MZB1: variants seen among roughly 807,000 people sequenced by gnomAD.
MZB1 encodes marginal zone B and B1 cell specific protein, also known as marginal zone B- and B1-cell-specific protein.
Under a neutral mutation model 17.2 loss-of-function variants are expected in MZB1, and 10 were observed. That is an observed-to-expected ratio of 0.58 (90% CI 0.36 to 0.98). The LOEUF is 0.98. MZB1 is among the 50% of genes least tolerant of loss of function. MZB1 has a pLI of 0.01. For missense variants in MZB1, 246 were observed against 237.5 expected (o/e 1.04, Z -0.23); for synonymous variants, 99 against 98.7 (o/e 1.00, Z -0.02).
chr5:139,389,407 A>ACTC, intron 1 of MZB1: 1 of 654,532 alleles, frequency 1.5e-6, no homozygotes, highest in South Asian at 1.5e-5. Context: ...GGGAGTCCGG[A>ACTC]CTCAAGGATG....
chr5:139,389,022 C>G, intron 1 of MZB1: 1 of 213,012 alleles, frequency 4.7e-6, no homozygotes, highest in Non-Finnish European at 9.7e-6. Context: ...AGGTATGTGC[C>G]ACCACACCCG....
At position 139,387,896 on chromosome 5, in the gene MZB1, A is replaced by G. The variant is rs368473674; in HGVS notation, c.439T>C (p.Leu147=). 36 of 1,594,198 alleles carry G rather than the reference A, an allele frequency of 2.3e-5. No individual in the cohort carries two copies. The highest frequency in any genetic ancestry group is 6.8e-5 in the African/African-American group (5 of 74,006). ...ATCTGGTCTTCTCCAAACTCCCCCA[A>G]GTAGTGCAAACATGTCCTGGAGAGC... ...TRLSRTCLHY[L]GEFGEDQIYE... is the part of the protein sequence containing the mutation. Residue 147 remains leucine, a synonymous_variant, in exon 4 of 4, where the codon TTG becomes CTG. Coordinates refer to ENST00000302125, the MANE Select transcript of MZB1 (RefSeq NM_016459.4).
At position 139,389,754 on chromosome 5, in the gene MZB1, C is replaced by G. The variant is rs769346308; in HGVS notation, c.103G>C (p.Asp35His). 6.4e-7 allele frequency: 1 copy of G among 1,563,340 alleles called. No homozygotes were observed. Among genetic ancestry groups the G allele is most frequent in the South Asian group, 1.2e-5 (1 of 84,744 alleles). The stretch of plus-strand genomic sequence containing the variant: ...TGGGCTGAGTACATCTCCTCATCAT[C>G]CAGTTGTGGGGCTGTGGCTGTGAGT... ...APLTATAPQL[D>H]DEEMYSAHMP... The change falls in exon 1 of 4, where the codon GAT becomes CAT. Residue 35 changes from aspartate to histidine, a missense_variant. Asp to His is a moderately conservative substitution (Grantham distance 81). Transcript: ENST00000302125.
At chr5:139,388,210 G>A (rs555833885) in intron 2 of MZB1, 79 bp from the exon 3 acceptor site, 69 of 1,340,630 alleles carry the variant, frequency 5.1e-5, no homozygotes, top group Non-Finnish European at 6.7e-5. Flanking sequence ...CAGCAAGCTG[G>A]ACATGCTGGG....
chr5:139,389,444 C>A, intron 1 of MZB1: 1 of 699,948 alleles, frequency 1.4e-6, no homozygotes, highest in South Asian at 1.5e-5. Context: ...AGTCTAAGGA[C>A]AAGTGAGTGA....
At chr5:139,388,365 A>G in intron 2 of MZB1, 96 bp downstream of exon 2, 1 of 1,343,926 alleles carries the variant, frequency 7.4e-7, no homozygotes, top group Non-Finnish European at 1.0e-6. Context: ...AGAGTCCTAG[A>G]GGAGTGTGTG....
chr5:139,389,292 GGTGT>G (rs1758568859), intron 1 of MZB1: 1 of 428,870 alleles, frequency 2.3e-6, no homozygotes. Flanking sequence ...ATGCTCAGCA[GGTGT>G]GTGTGTGAAG....
chr5:139,387,575 A>ACT lies in MZB1; in HGVS notation c.*188_*189dup. 2.0e-6 allele frequency: 1 copy of ACT among 494,000 alleles called. No individual in the cohort carries two copies. Among genetic ancestry groups the ACT allele is most frequent in the Non-Finnish European group, 3.2e-6 (1 of 307,740 alleles). The allele number at this position is 494,000 out of a possible 1,614,324, so 30.6% of individuals were successfully genotyped here. A position where few individuals can be genotyped will look rare whatever the true frequency, so the allele number is the denominator to read the frequency against. Reference sequence around the variant, plus strand: ...TTTTGCAGAGAAAAGAAGTGAGGTCACTGGGTTTTATTTGAGTCCAGAGGG... The same window carrying ACT: ...TTTTGCAGAGAAAAGAAGTGAGGTCACTCTGGGTTTTATTTGAGTCCAGAGGG... On this transcript the variant is annotated 3_prime_UTR_variant, in exon 4 of 4. Coordinates refer to ENST00000302125, the MANE Select transcript of MZB1 (RefSeq NM_016459.4).
Position 139,389,768 on chromosome 5 carries a change from G to T in MZB1, c.89C>A (p.Thr30Lys). The T allele has an allele frequency of 6.4e-7, 1 of 1,554,424 alleles. No homozygotes were observed. Among genetic ancestry groups the T allele is most frequent in the Admixed American group, 2.0e-5 (1 of 51,240 alleles). The stretch of plus-strand genomic sequence containing the variant: ...CTCCTCATCATCCAGTTGTGGGGCT[G>T]TGGCTGTGAGTGGCGCCCTGTCCCC... The part of the protein sequence containing the change: ...GLGDRAPLTA[T>K]APQLDDEEMY... The change falls in exon 1 of 4, where the codon ACA becomes AAA. Residue 30 changes from threonine (T) to lysine (K), a missense_variant. Thr to Lys is a moderately conservative substitution (Grantham distance 78, BLOSUM62 -1). Transcript: ENST00000302125.
chr5:139,387,801 G>A lies in MZB1; in HGVS notation c.534C>T (p.Cys178=), dbSNP rs547284028. The change falls in exon 4 of 4, where the codon TGC becomes TGT. Residue 178 remains cysteine (C), a synonymous_variant. Transcript: ENST00000302125. ...ALLCGGPQGA[C]SEKVSATREE... ...CTCTTGTGGCTGACACCTTCTCTGA[G>A]CAGGCCCCCTGGGGTCCCCCACATA... The A allele has an allele frequency of 1.9e-6, 3 of 1,567,258 alleles. No individual in the cohort carries two copies. The highest frequency in any genetic ancestry group is 2.1e-5 in the Admixed American group (1 of 48,342).
chr5:139,388,276 G>T, intron 2 of MZB1, 145 bp from the exon 3 acceptor site: 1 of 1,055,194 alleles, frequency 9.5e-7, no homozygotes, highest in Non-Finnish European at 1.4e-6. Context: ...AGGTGACCTT[G>T]TCCACTGGCC....
chr5:139,388,436 G>A, intron 2 of MZB1, 25 bp downstream of exon 2: 2 of 1,446,308 alleles, frequency 1.4e-6, no homozygotes, highest in Middle Eastern at 1.8e-4. Context: ...GAGGAGGGAG[G>A]TGGGGGGCAG....
In MZB1 at chr5:139,387,819, C is replaced by T. The variant is rs771861219; in HGVS notation, c.516G>A (p.Gly172=). ...GRGALEALLC[G]GPQGACSEKV... The stretch of plus-strand genomic sequence containing the variant: ...TCTCTGAGCAGGCCCCCTGGGGTCC[C>T]CCACATAGCAATGCCTCCAGAGCCC... Residue 172 remains glycine (G), a synonymous_variant, in exon 4 of 4, where the codon GGG becomes GGA. Transcript: ENST00000302125. The T allele has an allele frequency of 1.1e-5, 18 of 1,593,962 alleles. No individual in the cohort carries two copies. Among genetic ancestry groups the T allele is most frequent in the Middle Eastern group, 3.3e-4 (2 of 5,972 alleles).
rs747771086 is a variant in MZB1 at position 139,389,751 on chromosome 5, C to G, written c.106G>C (p.Asp36His). 5.1e-6 allele frequency: 8 copies of G among 1,564,856 alleles called. No homozygotes were observed. The highest frequency in any genetic ancestry group is 6.9e-6 in the Non-Finnish European group (8 of 1,154,876). The change falls in exon 1 of 4, where the codon GAT (aspartate) becomes CAT (histidine). Residue 36 changes from aspartate (D) to histidine (H), a missense_variant. By Grantham distance (81) the Asp-to-His change is moderately conservative (BLOSUM62 -1). Coordinates refer to ENST00000302125, the MANE Select transcript of MZB1 (RefSeq NM_016459.4). The stretch of plus-strand genomic sequence containing the variant: ...ATGTGGGCTGAGTACATCTCCTCAT[C>G]ATCCAGTTGTGGGGCTGTGGCTGTG... ...PLTATAPQLD[D>H]EEMYSAHMPA...
At chr5:139,387,955 C>T (rs1758542342) in intron 3 of MZB1, 34 bp from the exon 4 acceptor site, 3 of 1,580,704 alleles carry the variant, frequency 1.9e-6, no homozygotes, top group Non-Finnish European at 1.7e-6. Context: ...CAGATGCTGC[C>T]CAGCCCACAG....
chr5:139,389,275 C>T (rs1018866529), intron 1 of MZB1: 18 of 380,500 alleles, frequency 4.7e-5, no homozygotes, highest in Middle Eastern at 6.1e-4. Flanking sequence ...GACACTGGCA[C>T]GCAGGCATGC....
Position 139,389,782 on chromosome 5 carries a change from C to T in MZB1, c.75G>A (p.Ala25=), listed in dbSNP as rs1046810603. The change falls in exon 1 of 4, where the codon GCG becomes GCA. Residue 25 remains alanine (A), a synonymous_variant. Transcript: ENST00000302125. ...WAIPGGLGDR[A]PLTATAPQLD... is the part of the protein sequence containing the mutation. ...GTTGTGGGGCTGTGGCTGTGAGTGG[C>T]GCCCTGTCCCCGAGGCCCCCTGGGA... The T allele has an allele frequency of 1.2e-5, 19 of 1,552,470 alleles. No homozygotes were observed. Among genetic ancestry groups the T allele is most frequent in the East Asian group, 7.3e-5 (3 of 41,012 alleles).
rs1758537345 is a variant in MZB1, at chr5:139,387,687, C to T, written c.*78G>A. 1.4e-6 allele frequency: 2 copies of T among 1,459,302 alleles called. No homozygotes were observed. The highest frequency in any genetic ancestry group is 2.9e-5 in the African/African-American group (2 of 69,398). 90.4% of individuals were successfully genotyped at this position (1,459,302 alleles called of 1,614,324 possible). A position where few individuals can be genotyped will look rare whatever the true frequency, so the allele number is the denominator to read the frequency against. ...CAGCACAGAGCAAGGGCTTCCTGCC[C>T]TCCTGGCTGCCTGCAGACGGGAGTG... On this transcript the variant is annotated 3_prime_UTR_variant, in exon 4 of 4. Transcript: ENST00000302125.
chr5:139,388,286 C>T (rs1161145358), intron 2 of MZB1, among the ~76,000 whole-genome samples, 155 bp from the exon 3 acceptor site: 1 of 152,210 alleles, frequency 6.6e-6, no homozygotes, highest in Non-Finnish European at 1.5e-5. Flanking sequence ...GTCCACTGGC[C>T]CTCTGCTCTC....
Sources: gnomAD v4.1 joint callset for allele counts (sites outside exome capture counted in the v4.1 genomes callset) on GRCh38, gnomAD v4.1.1 for gene constraint, MANE v1.5 for transcripts, NCBI Gene and HGNC (gene_info 2026-07-23, HGNC 2026-07-21) for gene names.